Variants in PCDH15 observed in about 807,000 individuals in gnomAD.
PCDH15 encodes the protein protocadherin-15.
PCDH15 carries 129 observed loss-of-function variants against 178.5 expected under a neutral mutation model. The observed-to-expected ratio is 0.72, with a 90% CI of 0.63 to 0.84. The LOEUF is 0.84. Ranked by LOEUF, PCDH15 falls within the 40% of genes least tolerant of loss-of-function variation. The pLI, the probability that PCDH15 is intolerant of heterozygous loss-of-function variation, is 0.00. For synonymous variants in PCDH15, 800 were observed against 732.0 expected, an observed-to-expected ratio of 1.09 and a Z score of -1.50; for missense variants, 2,230 against 2,099.9, an observed-to-expected ratio of 1.06 and a Z score of -1.21.
At chr10:54,217,044 C>A (rs1478538452) in intron 9 of PCDH15, among the ~76,000 whole-genome samples, 1 of 152,022 alleles carries the variant, frequency 6.6e-6, no homozygotes, top group African/African-American at 2.4e-5. Flanking sequence ...CAAAGGAATA[C>A]ATACACACAT....
intron 2 of PCDH15, among the ~76,000 whole-genome samples, chr10:55,416,335 T>C (rs1188593929): frequency 3.3e-5 from 5 of 151,736 alleles, no homozygotes; most frequent in African/African-American, 1.2e-4. Flanking sequence ...GAATAAGCAA[T>C]GATAACCATT....
Position 53,823,118 on chromosome 10 carries a change from T to C in PCDH15, c.4368-2888A>G, listed in dbSNP as rs727504070. 5.6e-6 allele frequency: 9 copies of C among 1,613,954 alleles called. No individual in the cohort carries two copies. Among genetic ancestry groups the C allele is most frequent in the East Asian group, 2.2e-5 (1 of 44,882 alleles). ...TCTGTGAAATGTCTGAATTTGTTGA[T>C]ACTTGACTTATGTTTTCCTTATAAA... On this transcript the variant is annotated intron_variant, in intron 32 of 37. Coordinates refer to ENST00000644397, the MANE Select transcript of PCDH15 (RefSeq NM_001384140.1).
At position 54,962,032 on chromosome 10, in the gene PCDH15, T is replaced by C. The variant is rs556785182; in HGVS notation, c.-79-64532A>G. Among the ~76,000 whole-genome samples the C allele has an allele frequency of 3.3e-5, 5 of 152,322 alleles. 1 individual carries two copies. In the East Asian group the frequency reaches 9.7e-4, roughly 29 times the overall value. ...GAGCTGTTCTGTCACTCAATAAAGCTCCTCTCCACTTCGCTTACCCTCCAG... is the reference window on the plus strand; with the variant it reads ...GAGCTGTTCTGTCACTCAATAAAGCCCCTCTCCACTTCGCTTACCCTCCAG... On this transcript the variant is annotated intron_variant, in intron 2 of 5. Transcript: ENST00000458638.
upstream of PCDH15, among the ~76,000 whole-genome samples, chr10:55,321,939 C>T (rs1214244154): frequency 2.0e-5 from 3 of 152,154 alleles, no homozygotes; most frequent in Admixed American, 6.5e-5. Flanking sequence ...TTTAAAGCAA[C>T]CACACAAACA....
intron 1 of PCDH15, among the ~76,000 whole-genome samples, chr10:54,785,838 A>G (rs577760306): frequency 5.0e-4 from 76 of 152,012 alleles, no homozygotes; most frequent in South Asian, 1.0e-3. Flanking sequence ...CCTCACTTAT[A>G]TCTTCATCAC....
chr10:54,260,675 G>A (rs796573139), intron 8 of PCDH15, among the ~76,000 whole-genome samples: 8 of 152,018 alleles, frequency 5.3e-5, no homozygotes, highest in African/African-American at 1.2e-4. Flanking sequence ...CCACCTCCCC[G>A]GTTCAAGCGA....
chr10:54,333,762 C>A (rs922308218), intron 6 of PCDH15, among the ~76,000 whole-genome samples: 1 of 152,124 alleles, frequency 6.6e-6, no homozygotes, highest in African/African-American at 2.4e-5. Context: ...TCTTGGGAAT[C>A]GGCATTTTTA....
At chr10:55,432,220 A>G (rs1284426943) in intron 2 of PCDH15, among the ~76,000 whole-genome samples, 1 of 152,200 alleles carries the variant, frequency 6.6e-6, no homozygotes, top group Non-Finnish European at 1.5e-5. Flanking sequence ...ATATTTTGCA[A>G]AACAGAATTA....
In PCDH15 at chr10:55,514,970, G is replaced by T. The variant is rs552239600; in HGVS notation, c.-156+112655C>A. Among the ~76,000 whole-genome samples, 8 of 145,832 alleles carry T rather than the reference G, an allele frequency of 5.5e-5. No homozygotes were observed. In the East Asian group the frequency reaches 6.5e-4, roughly 12 times the overall value. ...TGGCTTCTGAGGCAAAATATATATAGATAGATAGATAGATAGATTTTTTTT... is the reference window on the plus strand; with the variant it reads ...TGGCTTCTGAGGCAAAATATATATATATAGATAGATAGATAGATTTTTTTT... On this transcript the variant is annotated intron_variant, in intron 2 of 5. Transcript: ENST00000613346.
At chr10:54,694,615 T>C (rs1364745724) in intron 1 of PCDH15, among the ~76,000 whole-genome samples, 1 of 152,074 alleles carries the variant, frequency 6.6e-6, no homozygotes, top group African/African-American at 2.4e-5. Flanking sequence ...TTTATTATTA[T>C]TATTATTTGT....
At chr10:54,334,425 T>C (rs1168240965) in intron 6 of PCDH15, among the ~76,000 whole-genome samples, 5 of 152,142 alleles carry the variant, frequency 3.3e-5, no homozygotes, top group African/African-American at 4.8e-5. Context: ...TTTACTAATA[T>C]GGGTTTGCAC....
At chr10:53,809,149 T>G (rs779964014) in intron 37 of PCDH15, 1 of 1,613,974 alleles carries the variant, frequency 6.2e-7, no homozygotes, top group Admixed American at 1.7e-5. Context: ...ACTCTCCTCC[T>G]CCTCAGAGGG....
intron 27 of PCDH15, among the ~76,000 whole-genome samples, chr10:53,862,207 A>C (rs1256353694): frequency 1.3e-5 from 2 of 151,956 alleles, no homozygotes; most frequent in African/African-American, 4.8e-5. Context: ...GCCCATCACC[A>C]CACCTGGCTA....
chr10:54,489,845 TTTGC>T (rs963497224), intron 3 of PCDH15, among the ~76,000 whole-genome samples: 35 of 152,184 alleles, frequency 2.3e-4, no homozygotes, highest in African/African-American at 6.0e-4. Context: ...CAGGTTAAGA[TTTGC>T]TTGCTTGCTT....
rs1386268977 is a variant in PCDH15, at chr10:55,264,155, ACT to A, written c.-156+55442_-156+55443del. ...AAATTCGTCAGGGCTTATTTGAGAC[ACT>A]CTAAATGGATAAAAACAGCCCCTAA... On this transcript the variant is annotated intron_variant, in intron 1 of 5. Coordinates refer to the PCDH15 transcript ENST00000458638. Among the ~76,000 whole-genome samples the A allele has an allele frequency of 5.3e-5, 8 of 152,096 alleles. No homozygotes were observed. In the South Asian group the frequency reaches 1.5e-3, roughly 28 times the overall value.
At chr10:54,852,138 A>G (rs1446702320) in intron 3 of PCDH15, among the ~76,000 whole-genome samples, 1 of 152,242 alleles carries the variant, frequency 6.6e-6, no homozygotes, top group Non-Finnish European at 1.5e-5. Context: ...AGGTCTGCAG[A>G]CATAAGTGAC....
chr10:53,930,082 A>G (rs182045856), intron 25 of PCDH15, among the ~76,000 whole-genome samples: 6 of 152,254 alleles, frequency 3.9e-5, no homozygotes, highest in Admixed American at 3.9e-4. Flanking sequence ...AAAACCCAGG[A>G]GAGTTTGAGT....
At chr10:54,406,262 G>A (rs1002842925) in intron 3 of PCDH15, among the ~76,000 whole-genome samples, 13 of 151,980 alleles carry the variant, frequency 8.6e-5, no homozygotes, top group African/African-American at 2.7e-4. Context: ...GCAGAAAAAG[G>A]AAGATCAAAG....
intron 11 of PCDH15, among the ~76,000 whole-genome samples, chr10:54,189,711 A>T (rs2048790698): frequency 6.6e-6 from 1 of 152,026 alleles, no homozygotes; most frequent in Non-Finnish European, 1.5e-5. Context: ...ATTGATTATT[A>T]TTCTTTGTCA....
Sources: gnomAD v4.1 joint callset for allele counts (sites outside exome capture counted in the v4.1 genomes callset) on GRCh38, gnomAD v4.1.1 for gene constraint, MANE v1.5 for transcripts, NCBI Gene and HGNC (gene_info 2026-07-23, HGNC 2026-07-21) for gene names.